RIPK1: variants seen among roughly 807,000 people sequenced by gnomAD.
The protein encoded by RIPK1 is receptor interacting serine/threonine kinase 1.
In RIPK1, 27 loss-of-function variants were observed where a neutral mutation model predicts 62.4. The observed-to-expected ratio is 0.43, with a 90% confidence interval of 0.32 to 0.60. RIPK1 has a LOEUF of 0.60. RIPK1 is among the 20% of genes least tolerant of loss of function. RIPK1 has a pLI of 0.07. For missense variants in RIPK1, 735 were observed against 831.0 expected (o/e 0.88, Z 1.42); for synonymous variants, 287 against 303.2 (o/e 0.95, Z 0.55).
chr6:3,107,321 C>T (rs1760901959), intron 9 of RIPK1, among the ~76,000 whole-genome samples: 1 of 149,608 alleles, frequency 6.7e-6, no homozygotes, highest in Admixed American at 6.7e-5. Flanking sequence ...CTTTGGGAGG[C>T]CGAGGTGGGA....
rs920600286 is a variant in RIPK1 at position 3,113,993 on chromosome 6, G to T, written c.*654G>T. 5 of 152,140 alleles carry T rather than the reference G, an allele frequency of 3.3e-5. No individual in the cohort carries two copies. The highest frequency in any genetic ancestry group is 1.2e-4 in the African/African-American group (5 of 41,418). The allele number at this position is 152,140 out of a possible 1,614,324, so 9.4% of individuals were successfully genotyped here. A position where few individuals can be genotyped will look rare whatever the true frequency, so the allele number is the denominator to read the frequency against. ...AGCCACTGTAGGCTCTAAGAACCACGTGCAGTCTTCAGCCCATTAAATTAT... is the reference window on the plus strand; with the variant it reads ...AGCCACTGTAGGCTCTAAGAACCACTTGCAGTCTTCAGCCCATTAAATTAT... On this transcript the variant is annotated 3_prime_UTR_variant, in exon 11 of 11. Coordinates refer to ENST00000259808, the MANE Select transcript of RIPK1 (RefSeq NM_001354930.2). The surrounding 1 kb of genome is among the most constrained non-coding windows in gnomAD (Gnocchi z 5.0).
In RIPK1 at chr6:3,068,655, G is replaced by A; in HGVS notation, c.-67G>A. On this transcript the variant is annotated 5_prime_UTR_variant, in exon 1 of 11. Transcript: ENST00000259808. ...GGCTGGACGGCGCGGCCACGGAGAA[G>A]GGCGCGGTGAGCGGACTGGCACCGC... 1 of 985,308 alleles carries A rather than the reference G, an allele frequency of 1.0e-6. No individual in the cohort carries two copies. The highest frequency in any genetic ancestry group is 1.2e-6 in the Non-Finnish European group (1 of 829,926). The allele number at this position is 985,308 out of a possible 1,614,324, so 61.0% of individuals were successfully genotyped here.
In RIPK1 at chr6:3,081,023, C is replaced by G; in HGVS notation, c.366C>G (p.Ile122Met). 1 of 1,613,980 alleles carries G rather than the reference C, an allele frequency of 6.2e-7. No homozygotes were observed. ...LSVKGRIILE[I>M]IEGMCYLHGK... is the part of the protein sequence containing the mutation. The stretch of plus-strand genomic sequence containing the variant: ...TAAAAGGAAGGATAATTTTGGAAAT[C>G]ATTGAAGGAATGTGCTACTTACATG... Residue 122 changes from isoleucine (I) to methionine (M), a missense_variant, in exon 4 of 11, where the codon ATC becomes ATG. Coordinates refer to ENST00000259808, the MANE Select transcript of RIPK1 (RefSeq NM_001354930.2).
rs1214485915 is a variant in RIPK1, at chr6:3,107,554, G to C, written c.1576+1503G>C. ...CACTCCAGCCTGGGTGACAGAGCGA[G>C]ACTGTCGCAAAAAAAAAAAAAAAAA... On this transcript the variant is annotated intron_variant, in intron 9 of 10. Transcript: ENST00000259808. 2.4e-3 allele frequency among the ~76,000 whole-genome samples: 275 copies of C among 113,666 alleles called. 1 individual carries two copies. Among genetic ancestry groups the C allele is most frequent in the African/African-American group, 0.012 (270 of 22,230 alleles). The allele number at this position is 113,666 out of a possible 152,430, so 74.6% of individuals were successfully genotyped here.
chr6:3,076,922 G>T lies in RIPK1; in HGVS notation c.99G>T (p.Leu33=). ...GCGGAGGCTTTGGGAAGGTGTCTCT[G>T]TGTTTCCACAGAACCCAGGGACTCA... The part of the protein sequence containing the change: ...LDSGGFGKVS[L]CFHRTQGLMI... The change falls in exon 2 of 11, where the codon CTG becomes CTT. Residue 33 remains leucine (L), a synonymous_variant. Coordinates refer to ENST00000259808, the MANE Select transcript of RIPK1 (RefSeq NM_001354930.2). 6.2e-7 allele frequency: 1 copy of T among 1,612,398 alleles called. No individual in the cohort carries two copies. Among genetic ancestry groups the T allele is most frequent in the Non-Finnish European group, 8.5e-7 (1 of 1,179,268 alleles).
At position 3,081,043 on chromosome 6, in the gene RIPK1, T is replaced by TA; in HGVS notation, c.387dup (p.His130ThrfsTer13). 1 of 1,614,148 alleles carries TA rather than the reference T, an allele frequency of 6.2e-7. No homozygotes were observed. Among genetic ancestry groups the TA allele is most frequent in the Non-Finnish European group, 8.5e-7 (1 of 1,179,974 alleles). ...GAAATCATTGAAGGAATGTGCTACT[T>TA]ACATGGAAAAGGCGTGATACACAAG... On this transcript the variant is annotated frameshift_variant, in exon 4 of 11. Coordinates refer to ENST00000259808, the MANE Select transcript of RIPK1 (RefSeq NM_001354930.2). LOFTEE classifies it high-confidence loss of function.
upstream of RIPK1, among the ~76,000 whole-genome samples, chr6:3,067,446 G>A (rs1039709284): frequency 6.6e-6 from 1 of 152,092 alleles, no homozygotes; most frequent in African/African-American, 2.4e-5. Context: ...TAATAAATGT[G>A]TAATAGTATT....
intron 7 of RIPK1, among the ~76,000 whole-genome samples, chr6:3,090,687 A>G (rs1429190793): frequency 1.3e-5 from 2 of 152,088 alleles, no homozygotes. Flanking sequence ...GTAAGGATAT[A>G]GAAGACAGAA....
chr6:3,110,429 G>C (rs1434942914), intron 9 of RIPK1, among the ~76,000 whole-genome samples: 1 of 151,868 alleles, frequency 6.6e-6, no homozygotes, highest in African/African-American at 2.4e-5. Context: ...GGCTGGTCTT[G>C]AACTCCTGAC....
chr6:3,089,552 G>C, intron 6 of RIPK1, 29 bp from the exon 7 acceptor site: 4 of 1,031,274 alleles, frequency 3.9e-6, no homozygotes, highest in Non-Finnish European at 6.0e-6. Flanking sequence ...AAATAATTAA[G>C]AAATTTAAAG....
chr6:3,094,927 T>A (rs1428153949), intron 7 of RIPK1, among the ~76,000 whole-genome samples: 2 of 151,798 alleles, frequency 1.3e-5, no homozygotes, highest in Non-Finnish European at 2.9e-5. Flanking sequence ...TAATGAGACA[T>A]GGTGGCATGT....
chr6:3,086,573 G>A (rs532287345), intron 6 of RIPK1, among the ~76,000 whole-genome samples: 3 of 152,294 alleles, frequency 2.0e-5, no homozygotes, highest in South Asian at 2.1e-4. Context: ...TTTTACTTAC[G>A]TCTCCCCTTT....
chr6:3,087,817 T>G (rs17548423), intron 6 of RIPK1, among the ~76,000 whole-genome samples: 58 of 152,160 alleles, frequency 3.8e-4, no homozygotes, highest in African/African-American at 1.3e-3. Context: ...GGATTACAGG[T>G]GTGAGCCACT....
chr6:3,065,539 G>C (rs1385013348), upstream of RIPK1, among the ~76,000 whole-genome samples: 1 of 151,988 alleles, frequency 6.6e-6, no homozygotes, highest in Admixed American at 6.5e-5. Flanking sequence ...ATGGGTGTGG[G>C]GGAGGAGGGG....
chr6:3,074,862 AG>A (rs1387330635), intron 1 of RIPK1, among the ~76,000 whole-genome samples: 1 of 152,094 alleles, frequency 6.6e-6, no homozygotes, highest in African/African-American at 2.4e-5. Flanking sequence ...TTGTATTTTT[AG>A]TAGAGACGGG....
chr6:3,065,973 G>T (rs2113519240), upstream of RIPK1, among the ~76,000 whole-genome samples: 1 of 152,294 alleles, frequency 6.6e-6, no homozygotes, highest in South Asian at 2.1e-4. Context: ...ACAGTGATGG[G>T]CAATAACTTT....
chr6:3,077,475 G>A (rs897108578), intron 2 of RIPK1, among the ~76,000 whole-genome samples: 2 of 147,304 alleles, frequency 1.4e-5, no homozygotes, highest in Non-Finnish European at 3.0e-5. Context: ...TTTTTTAATC[G>A]TTCTGTCCAG....
At chr6:3,089,292 C>A (rs973224363) in intron 6 of RIPK1, among the ~76,000 whole-genome samples, 4 of 152,160 alleles carry the variant, frequency 2.6e-5, no homozygotes, top group African/African-American at 4.8e-5. Flanking sequence ...GAGATGAACT[C>A]ACATCAGGGA....
At chr6:3,068,899 C>G (rs983782734) in intron 1 of RIPK1, 2 of 162,340 alleles carry the variant, frequency 1.2e-5, no homozygotes, top group African/African-American at 4.8e-5. Context: ...CGGCCGCGGG[C>G]TTCCCGGAAG....
Sources: gnomAD v4.1 joint callset for allele counts (sites outside exome capture counted in the v4.1 genomes callset) on GRCh38, gnomAD v4.1.1 for gene constraint, Gnocchi (gnomAD v3.1) non-coding constraint, MANE v1.5 for transcripts, NCBI Gene and HGNC (gene_info 2026-07-23, HGNC 2026-07-21) for gene names.